The following TSGA10IP variants were observed in gnomAD, a reference collection of about 807,000 sequenced individuals.
The protein encoded by TSGA10IP is testis specific 10 interacting protein.
A neutral mutation model predicts 63.2 loss-of-function variants in TSGA10IP; 64 were observed. That is an observed-to-expected ratio of 1.01 (90% CI 0.83 to 1.25). The LOEUF is 1.25. TSGA10IP is among the 50% of genes most tolerant of loss of function. The pLI is 0.00. For missense variants in TSGA10IP, 681 were observed against 710.1 expected (o/e 0.96, Z 0.47); for synonymous variants, 316 against 298.3 (o/e 1.06, Z -0.61).
chr11:65,947,714 C>G (rs369955115), exon 3 of TSGA10IP: 1 of 1,596,204 alleles, frequency 6.3e-7, no homozygotes, highest in African/African-American at 1.3e-5. Context: ...GGGGAGCAGC[C>G]CCAGCTTCAA....
chr11:65,951,853 CTTT>C (rs879819961), intron 4 of TSGA10IP, among the ~76,000 whole-genome samples: 3 of 138,828 alleles, frequency 2.2e-5, no homozygotes, highest in Non-Finnish European at 1.6e-5. Flanking sequence ...GACTCTTTGC[CTTT>C]TTTTTTTTTT....
intron 5 of TSGA10IP, among the ~76,000 whole-genome samples, chr11:65,955,431 C>A (rs1855007146): frequency 6.6e-6 from 1 of 152,058 alleles, no homozygotes; most frequent in Admixed American, 6.6e-5. Context: ...CGTAATGAAA[C>A]CCCGTCTATA....
intron 7 of TSGA10IP, 62 bp from the exon 8 acceptor site, chr11:65,959,755 T>C (rs1391334719): frequency 1.3e-6 from 2 of 1,504,698 alleles, no homozygotes; most frequent in Non-Finnish European, 1.8e-6. Flanking sequence ...ACATTGTCAG[T>C]GGTTTCCTTG....
chr11:65,953,478 G>T, intron 4 of TSGA10IP, 89 bp from the exon 5 acceptor site: 1 of 1,454,228 alleles, frequency 6.9e-7, no homozygotes, highest in South Asian at 1.4e-5. Flanking sequence ...CTCCCCACAG[G>T]CTTCCATATT....
intron 5 of TSGA10IP, among the ~76,000 whole-genome samples, chr11:65,954,969 G>T (rs936506689): frequency 6.6e-6 from 1 of 152,212 alleles, no homozygotes; most frequent in Admixed American, 6.5e-5. Flanking sequence ...TGTGGTGGGC[G>T]CATGCGCTCA....
At chr11:65,952,416 T>TTG (rs143966302) in intron 4 of TSGA10IP, among the ~76,000 whole-genome samples, 2,840 of 149,884 alleles carry the variant, frequency 0.019, 60 homozygotes, top group African/African-American at 0.059. Context: ...AAGCTTTCTT[T>TTG]TGTGTGTGTG....
intron 5 of TSGA10IP, 111 bp downstream of exon 5, chr11:65,953,848 C>G: frequency 1.1e-6 from 1 of 890,924 alleles, no homozygotes; most frequent in Non-Finnish European, 1.6e-6. Context: ...TGGGGCTAAC[C>G]AGGCCACTTC....
At chr11:65,959,425 C>T in intron 7 of TSGA10IP, 111 bp downstream of exon 7, 1 of 1,469,074 alleles carries the variant, frequency 6.8e-7, no homozygotes, top group South Asian at 1.3e-5. Context: ...GGCAGAGAGC[C>T]CAGAGGAAGG....
intron 5 of TSGA10IP, among the ~76,000 whole-genome samples, chr11:65,955,435 G>A (rs187076954): frequency 1.1e-4 from 17 of 152,096 alleles, no homozygotes; most frequent in African/African-American, 2.2e-4. Context: ...ATGAAACCCC[G>A]TCTATACTAA....
At chr11:65,954,442 G>A (rs185419216) in intron 5 of TSGA10IP, among the ~76,000 whole-genome samples, 1 of 151,508 alleles carries the variant, frequency 6.6e-6, no homozygotes, top group Non-Finnish European at 1.5e-5. Flanking sequence ...CCAAAGTGCT[G>A]GGATTACAGG....
chr11:65,959,145 C>T (rs756126008), intron 6 of TSGA10IP, 45 bp from the exon 7 acceptor site: 45 of 1,590,116 alleles, frequency 2.8e-5, no homozygotes, highest in South Asian at 3.4e-5. Context: ...ACCTTGCCCT[C>T]GGCAGCCCTG....
chr11:65,948,002 C>T, exon 4 of TSGA10IP: 1 of 1,558,278 alleles, frequency 6.4e-7, no homozygotes, highest in Non-Finnish European at 8.7e-7. Context: ...TGTGGGCAGG[C>T]CCCCAAAAGC....
intron 4 of TSGA10IP, among the ~76,000 whole-genome samples, chr11:65,951,142 G>A (rs1259510354): frequency 6.6e-6 from 1 of 152,130 alleles, no homozygotes; most frequent in Non-Finnish European, 1.5e-5. Flanking sequence ...TTGCTACTGT[G>A]AATATTCCTG....
At chr11:65,948,686 T>G (rs575717149) in intron 4 of TSGA10IP, among the ~76,000 whole-genome samples, 1 of 151,618 alleles carries the variant, frequency 6.6e-6, no homozygotes, top group South Asian at 2.1e-4. Context: ...AAAAAAGAAG[T>G]TAAGGGGCCG....
At chr11:65,949,378 G>T (rs948928533) in intron 4 of TSGA10IP, among the ~76,000 whole-genome samples, 4 of 151,850 alleles carry the variant, frequency 2.6e-5, no homozygotes, top group Non-Finnish European at 5.9e-5. Flanking sequence ...AGGCATGTGA[G>T]GGCAGGGGAG....
exon 3 of TSGA10IP, chr11:65,947,541 G>A: frequency 1.9e-6 from 3 of 1,613,880 alleles, no homozygotes; most frequent in East Asian, 2.2e-5. Flanking sequence ...CAGCGCCCCA[G>A]GAGGGGGTCG....
At chr11:65,954,689 A>G (rs1854996551) in intron 5 of TSGA10IP, among the ~76,000 whole-genome samples, 1 of 152,004 alleles carries the variant, frequency 6.6e-6, no homozygotes, top group Non-Finnish European at 1.5e-5. Flanking sequence ...GCGGTGGCAC[A>G]TACCTGTAAT....
chr11:65,953,480 T>C lies in TSGA10IP; in HGVS notation c.1152-87T>C. ...GACACTGCAGCCCCTCCCCACAGGC[T>C]TCCATATTCCCTTATCCAGCCCCTG... On this transcript the variant is annotated intron_variant, in intron 4 of 7. Coordinates refer to ENST00000532620, the Ensembl canonical transcript of TSGA10IP. 2.1e-6 allele frequency: 3 copies of C among 1,456,878 alleles called. No homozygotes were observed. The East Asian group carries it at 7.7e-5, about 38-fold the overall frequency. The allele number at this position is 1,456,878 out of a possible 1,614,324, so 90.2% of individuals were successfully genotyped here.
chr11:65,959,319 G>A lies in TSGA10IP; in HGVS notation c.1547+5G>A, dbSNP rs1197904436. 1.2e-6 allele frequency: 2 copies of A among 1,610,606 alleles called. No homozygotes were observed. The highest frequency in any genetic ancestry group is 8.5e-7 in the Non-Finnish European group (1 of 1,179,352). Reference sequence around the variant, plus strand: ...GGGCACCCCCAGGAAACCCAGGTGAGTCTCCCCGTCAGGTCAAGAACTGAC... The same window carrying A: ...GGGCACCCCCAGGAAACCCAGGTGAATCTCCCCGTCAGGTCAAGAACTGAC... On this transcript the variant is annotated splice_donor_5th_base_variant and intron_variant, in intron 7 of 7. Coordinates refer to ENST00000532620, the Ensembl canonical transcript of TSGA10IP.
Sources: allele counts gnomAD v4.1 joint callset (sites outside exome capture counted in the v4.1 genomes callset), GRCh38; gene constraint gnomAD v4.1.1; transcripts MANE v1.5; gene names NCBI Gene and HGNC (gene_info 2026-07-23, HGNC 2026-07-21).